Variants in SPATS2 observed in about 807,000 individuals in gnomAD.
SPATS2 encodes spermatogenesis-associated serine-rich protein 2.
A neutral mutation model predicts 63.7 loss-of-function variants in SPATS2; 38 were observed. The observed-to-expected ratio is 0.60, with a 90% CI of 0.46 to 0.78. SPATS2 has a LOEUF of 0.78. Among genes scored for constraint, SPATS2 ranks in the 30% least tolerant of loss-of-function variants. The pLI is 0.00. For missense variants in SPATS2, 588 were observed against 666.2 expected (o/e 0.88, Z 1.29); for synonymous variants, 207 against 232.9 (o/e 0.89, Z 1.01).
chr12:49,390,184 A>AATGAATGAAT, intron 2 of SPATS2: 1 of 1,415,196 alleles, frequency 7.1e-7, no homozygotes, highest in Non-Finnish European at 9.7e-7. Flanking sequence ...TGAGTCTGTG[A>AATGAATGAAT]GCTTCTTACA....
intron 2 of SPATS2, chr12:49,406,704 G>T (rs1944703769): frequency 6.6e-6 from 1 of 151,800 alleles, no homozygotes. Context: ...GGTGGATTCA[G>T]GAACTAGAAC....
intron 2 of SPATS2, among the ~76,000 whole-genome samples, chr12:49,379,269 C>T (rs1015425448): frequency 1.1e-4 from 16 of 150,552 alleles, no homozygotes; most frequent in African/African-American, 3.7e-4. Flanking sequence ...ATTAACTGGC[C>T]GGGCATAGTG....
At chr12:49,434,621 C>T (rs1342574201) in intron 2 of SPATS2, among the ~76,000 whole-genome samples, 1 of 152,172 alleles carries the variant, frequency 6.6e-6, no homozygotes, top group Non-Finnish European at 1.5e-5. Context: ...AACTACATGT[C>T]TGTTCTCTCA....
chr12:49,388,652 A>G (rs1944363432), intron 2 of SPATS2, among the ~76,000 whole-genome samples: 1 of 150,510 alleles, frequency 6.6e-6, no homozygotes, highest in African/African-American at 2.4e-5. Context: ...TTGGGATTAC[A>G]GGCATGAGCC....
Position 49,435,740 on chromosome 12 carries a change from C to T in SPATS2, c.-243-25030C>T, listed in dbSNP as rs568271858. ...AGGACAATAGCGGAGGGAAGGTCAG[C>T]AGATAAGTGAACAAAGGTCTCTGGT... On this transcript the variant is annotated intron_variant, in intron 2 of 13. Coordinates refer to ENST00000552918, the MANE Select transcript of SPATS2 (RefSeq NM_023071.4). 2.4e-4 allele frequency among the ~76,000 whole-genome samples: 35 copies of T among 148,144 alleles called. No individual in the cohort carries two copies. In the East Asian group the frequency reaches 6.8e-3, roughly 29 times the overall value.
chr12:49,452,411 C>T (rs1945639213), intron 2 of SPATS2, among the ~76,000 whole-genome samples: 1 of 152,194 alleles, frequency 6.6e-6, no homozygotes, highest in Non-Finnish European at 1.5e-5. Flanking sequence ...TCCCAAGTAG[C>T]TGGGGCTACA....
chr12:49,426,702 C>T (rs1486667763), intron 2 of SPATS2, among the ~76,000 whole-genome samples: 2 of 152,100 alleles, frequency 1.3e-5, no homozygotes, highest in African/African-American at 4.8e-5. Flanking sequence ...CGCCACCTCG[C>T]CCAGCTAATT....
At chr12:49,461,169 C>A in intron 3 of SPATS2, 132 bp downstream of exon 3, 1 of 918,298 alleles carries the variant, frequency 1.1e-6, no homozygotes, top group Non-Finnish European at 1.7e-6. Context: ...ATTAGATTAT[C>A]GCTTTGTGTA....
At chr12:49,488,800 A>G (rs1946337836) in intron 4 of SPATS2, among the ~76,000 whole-genome samples, 2 of 152,212 alleles carry the variant, frequency 1.3e-5, no homozygotes, top group African/African-American at 4.8e-5. Flanking sequence ...TATATTACCT[A>G]TGGATATATG....
chr12:49,506,522 A>G (rs776013138), intron 9 of SPATS2, among the ~76,000 whole-genome samples: 1 of 152,196 alleles, frequency 6.6e-6, no homozygotes, highest in African/African-American at 2.4e-5. Context: ...TGATTCAGTT[A>G]TCTTCACCTG....
chr12:49,439,844 G>A (rs202153516), intron 2 of SPATS2, among the ~76,000 whole-genome samples: 1 of 152,062 alleles, frequency 6.6e-6, no homozygotes, highest in East Asian at 1.9e-4. Flanking sequence ...ATGTCTTTAC[G>A]CTGACATTAG....
At chr12:49,520,288 T>G (rs1408321946) in intron 11 of SPATS2, among the ~76,000 whole-genome samples, 2 of 152,074 alleles carry the variant, frequency 1.3e-5, no homozygotes, top group East Asian at 3.9e-4. Context: ...CGGCTAATTT[T>G]TATCCTTTTA....
intron 2 of SPATS2, among the ~76,000 whole-genome samples, chr12:49,453,160 CAA>C (rs534605136): frequency 1.9e-4 from 17 of 91,764 alleles, no homozygotes; most frequent in Admixed American, 2.7e-4. Flanking sequence ...GACTCCGTCT[CAA>C]AAAAAAAAAA....
intron 2 of SPATS2, among the ~76,000 whole-genome samples, chr12:49,436,679 G>A (rs1945302968): frequency 7.2e-6 from 1 of 138,204 alleles, no homozygotes; most frequent in Non-Finnish European, 1.6e-5. Flanking sequence ...CAGTAGGGGC[G>A]GCCGGGCAGA....
At chr12:49,373,353 T>G (rs1944035581) in intron 2 of SPATS2, among the ~76,000 whole-genome samples, 1 of 152,204 alleles carries the variant, frequency 6.6e-6, no homozygotes, top group African/African-American at 2.4e-5. Context: ...GTGACATAGT[T>G]ACTTCAGGCT....
intron 2 of SPATS2, among the ~76,000 whole-genome samples, chr12:49,388,961 TG>T (rs1944370121): frequency 6.6e-6 from 1 of 152,136 alleles, no homozygotes; most frequent in African/African-American, 2.4e-5. Context: ...ACGAAAGTGC[TG>T]GGATTACAAG....
intron 2 of SPATS2, among the ~76,000 whole-genome samples, chr12:49,387,954 A>ATTTT (rs1350786471): frequency 1.3e-5 from 2 of 151,652 alleles, no homozygotes; most frequent in Non-Finnish European, 2.9e-5. Flanking sequence ...TTAAGTATTT[A>ATTTT]TTTTTTTTGA....
chr12:49,420,874 G>C (rs753013340), intron 2 of SPATS2, among the ~76,000 whole-genome samples: 14 of 152,088 alleles, frequency 9.2e-5, no homozygotes, highest in Non-Finnish European at 1.8e-4. Flanking sequence ...AATTAGCCAG[G>C]TGCATTCTTG....
intron 9 of SPATS2, among the ~76,000 whole-genome samples, chr12:49,505,533 T>C (rs903842595): frequency 1.3e-5 from 2 of 152,178 alleles, no homozygotes; most frequent in African/African-American, 4.8e-5. Context: ...AAATTCAAAA[T>C]CCAAACTGCT....
Sources: allele counts gnomAD v4.1 joint callset (sites outside exome capture counted in the v4.1 genomes callset), GRCh38; gene constraint gnomAD v4.1.1; transcripts MANE v1.5; gene names NCBI Gene and HGNC (gene_info 2026-07-23, HGNC 2026-07-21).